MAGI2: variants seen among roughly 807,000 people sequenced by gnomAD.
MAGI2 encodes membrane-associated guanylate kinase, WW and PDZ domain-containing protein 2.
In MAGI2, 35 loss-of-function variants were observed where a neutral mutation model predicts 133.3. The ratio of observed to expected loss-of-function variants is 0.26; its 90% CI spans 0.20 to 0.35. The LOEUF is 0.35. MAGI2 is among the 10% of genes least tolerant of loss of function. The pLI is 1.00. For missense variants in MAGI2, 1,636 were observed against 1,863.4 expected, an observed-to-expected ratio of 0.88 and a Z score of 2.25; for synonymous variants, 729 against 710.6, an observed-to-expected ratio of 1.03 and a Z score of -0.41.
At chr7:78,433,231 AACT>A in intron 6 of MAGI2, among the ~76,000 whole-genome samples, 1 of 152,094 alleles carries the variant, frequency 6.6e-6, no homozygotes, top group African/African-American at 2.4e-5. Context: ...ATTACAGCTT[AACT>A]ACCTAAGTAG....
At chr7:79,419,632 A>G (rs952603234) in intron 1 of MAGI2, among the ~76,000 whole-genome samples, 2 of 152,056 alleles carry the variant, frequency 1.3e-5, no homozygotes, top group African/African-American at 2.4e-5. Flanking sequence ...TATCCAATAT[A>G]TAAAGAGGAA....
intron 21 of MAGI2, among the ~76,000 whole-genome samples, chr7:78,028,038 T>C (rs1165189811): frequency 1.3e-5 from 2 of 152,266 alleles, no homozygotes; most frequent in Admixed American, 1.3e-4. Context: ...TGAAGTCATT[T>C]GGCATTCAAA....
intron 1 of MAGI2, among the ~76,000 whole-genome samples, chr7:79,111,053 T>A (rs1343792130): frequency 6.6e-6 from 1 of 152,208 alleles, no homozygotes; most frequent in Non-Finnish European, 1.5e-5. Flanking sequence ...CTCAGGTATT[T>A]CTTTATAGCA....
At chr7:78,942,173 T>C (rs933484771) in intron 2 of MAGI2, among the ~76,000 whole-genome samples, 16 of 152,160 alleles carry the variant, frequency 1.1e-4, no homozygotes, top group South Asian at 4.1e-4. Context: ...AGCCTCCAGA[T>C]TCTGTGGGCC....
chr7:78,412,027 G>C (rs1016214328), intron 6 of MAGI2, among the ~76,000 whole-genome samples: 1 of 152,010 alleles, frequency 6.6e-6, no homozygotes, highest in Non-Finnish European at 1.5e-5. Context: ...ATTAAGTGGA[G>C]ATAGGTAATT....
intron 10 of MAGI2, among the ~76,000 whole-genome samples, chr7:78,218,782 C>T (rs952958574): frequency 6.6e-6 from 1 of 152,192 alleles, no homozygotes; most frequent in Non-Finnish European, 1.5e-5. Flanking sequence ...GCGTGGGGCT[C>T]ATTCTCAGCT....
At chr7:78,770,915 G>C (rs1224320099) in intron 2 of MAGI2, 1 of 152,304 alleles carries the variant, frequency 6.6e-6, no homozygotes, top group African/African-American at 2.4e-5. Flanking sequence ...ATGGTCCTCA[G>C]TCAGTGTCTT....
intron 2 of MAGI2, among the ~76,000 whole-genome samples, chr7:78,927,898 A>T (rs1799834545): frequency 6.6e-6 from 1 of 151,930 alleles, no homozygotes; most frequent in Non-Finnish European, 1.5e-5. Flanking sequence ...TATGACTATG[A>T]ACTATAGCCC....
At chr7:78,777,507 A>G (rs1230955754) in intron 2 of MAGI2, among the ~76,000 whole-genome samples, 1 of 152,138 alleles carries the variant, frequency 6.6e-6, no homozygotes, top group Non-Finnish European at 1.5e-5. Flanking sequence ...CATCATAACT[A>G]CTACCATCAC....
intron 10 of MAGI2, chr7:78,252,551 G>A (rs1018867094): frequency 6.6e-6 from 1 of 151,164 alleles, no homozygotes; most frequent in Non-Finnish European, 1.5e-5. Flanking sequence ...AAATAAAAGA[G>A]CTAAAGGTAT....
rs180674466 is a variant in MAGI2 at position 78,453,741 on chromosome 7, A to C, written c.1045+36020T>G. Among the ~76,000 whole-genome samples, 770 of 152,280 alleles carry C rather than the reference A, an allele frequency of 5.1e-3. 6 individuals carry two copies. The highest frequency in any genetic ancestry group is 0.016 in the African/African-American group (685 of 41,554). ...AGATAATTTCTACCAAAAATCCCAG[A>C]GGATTAGTAAAATTATCGCCATTTT... On this transcript the variant is annotated intron_variant, in intron 6 of 21. Transcript: ENST00000354212.
intron 1 of MAGI2, among the ~76,000 whole-genome samples, chr7:79,440,184 T>TC (rs1488313335): frequency 1.3e-5 from 2 of 151,942 alleles, no homozygotes; most frequent in Non-Finnish European, 2.9e-5. Flanking sequence ...TTTTTTTTTT[T>TC]CTTTACATGC....
At chr7:79,234,513 A>G (rs1009199673) in intron 1 of MAGI2, among the ~76,000 whole-genome samples, 1 of 151,422 alleles carries the variant, frequency 6.6e-6, no homozygotes, top group African/African-American at 2.4e-5. Flanking sequence ...TTTTTTCTCT[A>G]AACTTCCCTT....
intron 2 of MAGI2, among the ~76,000 whole-genome samples, chr7:78,687,969 T>TAAAAAAAAAAAAAAAAAAAAAAAAAAAAA (rs72030909): frequency 2.8e-4 from 19 of 67,242 alleles, no homozygotes; most frequent in Admixed American, 4.6e-4. Flanking sequence ...GTCCTTGCCT[T>TAAAAAAAAAAAAAAAAAAAAAAAAAAAAA]AAAAAAAAAA....
intron 7 of MAGI2, among the ~76,000 whole-genome samples, chr7:78,357,516 T>G (rs1792210244): frequency 6.6e-6 from 1 of 152,168 alleles, no homozygotes; most frequent in Non-Finnish European, 1.5e-5. Context: ...TTATTCACAT[T>G]ATTTTGATGC....
rs529405385 is a variant in MAGI2, at chr7:78,928,304, T to C, written c.418+78786A>G. Among the ~76,000 whole-genome samples the C allele has an allele frequency of 1.5e-4, 23 of 151,966 alleles. No individual in the cohort carries two copies. The South Asian group carries it at 4.8e-3, about 32-fold the overall frequency. On this transcript the variant is annotated intron_variant, in intron 2 of 21. Transcript: ENST00000354212. ...CAGCCAGCAGGAAAAACCCACCAACTAAGGTTATGACAAAGAGAGTCCCTT... is the reference window on the plus strand; with the variant it reads ...CAGCCAGCAGGAAAAACCCACCAACCAAGGTTATGACAAAGAGAGTCCCTT...
chr7:78,282,188 A>G (rs936399194), intron 9 of MAGI2, among the ~76,000 whole-genome samples: 1 of 151,586 alleles, frequency 6.6e-6, no homozygotes, highest in African/African-American at 2.4e-5. Context: ...GAATATAATC[A>G]ATGTCCTGGA....
chr7:79,435,610 A>T (rs1848080863), intron 1 of MAGI2, among the ~76,000 whole-genome samples: 1 of 80,738 alleles, frequency 1.2e-5, no homozygotes, highest in Non-Finnish European at 2.5e-5. Flanking sequence ...TTGAACTGAG[A>T]AGGTACCTAT....
At chr7:79,071,470 G>C (rs1312434653) in intron 1 of MAGI2, among the ~76,000 whole-genome samples, 2 of 152,142 alleles carry the variant, frequency 1.3e-5, no homozygotes, top group Non-Finnish European at 2.9e-5. Context: ...ATCAGAGCTC[G>C]AACGCTGTGC....
Sources: gnomAD v4.1 joint callset for allele counts (sites outside exome capture counted in the v4.1 genomes callset) on GRCh38, gnomAD v4.1.1 for gene constraint, MANE v1.5 for transcripts, NCBI Gene and HGNC (gene_info 2026-07-23, HGNC 2026-07-21) for gene names.